Variants in ZFP64 observed in about 807,000 individuals in gnomAD.
ZFP64 encodes the protein zinc finger protein 64.
ZFP64 carries 14 observed loss-of-function variants against 51.6 expected under a neutral mutation model. The ratio of observed to expected loss-of-function variants is 0.27; its 90% confidence interval spans 0.18 to 0.42. The LOEUF is 0.42. ZFP64 is among the 10% of genes least tolerant of loss of function. The pLI, the probability that ZFP64 is intolerant of heterozygous loss-of-function variation, is 1.00. For synonymous variants in ZFP64, 375 were observed against 361.4 expected, an observed-to-expected ratio of 1.04 and a Z score of -0.43; for missense variants, 754 against 906.8, an observed-to-expected ratio of 0.83 and a Z score of 2.16.
chr20:52,154,995 C>T (rs1981187410), intron 5 of ZFP64, among the ~76,000 whole-genome samples: 1 of 151,960 alleles, frequency 6.6e-6, no homozygotes, highest in Non-Finnish European at 1.5e-5. Flanking sequence ...TTAGTGAAGT[C>T]CATGGAACCC....
In ZFP64 at chr20:52,163,505, A is replaced by G. The variant is rs112346269; in HGVS notation, c.511+1190T>C. On this transcript the variant is annotated intron_variant, in intron 4 of 5. Coordinates refer to ENST00000216923, the MANE Select transcript of ZFP64 (RefSeq NM_018197.3). ...GCTTATTACACTAGAACGCTTACCA[A>G]TCAATACTTGAAACTTAATATTTGG... Among the ~76,000 whole-genome samples the G allele has an allele frequency of 1.9e-3, 296 of 152,350 alleles. 1 individual carries two copies. The highest frequency in any genetic ancestry group is 6.8e-3 in the African/African-American group (281 of 41,586).
At chr20:52,149,320 C>T (rs952206109), downstream of ZFP64, among the ~76,000 whole-genome samples, 6 of 149,640 alleles carry the variant, frequency 4.0e-5, no homozygotes, top group Admixed American at 2.0e-4. Context: ...CTGGGGCAGT[C>T]GTAATGGCAA....
chr20:52,176,817 C>T (rs1274975201), intron 2 of ZFP64, among the ~76,000 whole-genome samples: 1 of 152,178 alleles, frequency 6.6e-6, no homozygotes, highest in African/African-American at 2.4e-5. Context: ...CCGGTTCAAT[C>T]TCTTTTTGAG....
chr20:52,160,354 C>T lies in ZFP64; in HGVS notation c.532G>A (p.Glu178Lys). 1 of 1,614,020 alleles carries T rather than the reference C, an allele frequency of 6.2e-7. No individual in the cohort carries two copies. Among genetic ancestry groups the T allele is most frequent in the East Asian group, 2.2e-5 (1 of 44,868 alleles). ...CGGCTAAAGCACTTGCCACAGACTT[C>T]ACACTTATGGGGTTTGTCTCCTTCA... The part of the protein sequence containing the change: ...IHTGDKPHKC[E>K]VCGKCFSRKD... The change falls in exon 5 of 6, where the codon GAA becomes AAA. Residue 178 changes from glutamate (E) to lysine (K), a missense_variant. Physicochemically the swap from Glu to Lys is moderately conservative, Grantham distance 56 (BLOSUM62 1). This residue lies in a region of ZFP64 where 231 missense variants were observed against 336.7 expected (regional missense o/e 0.69). Transcript: ENST00000216923. The surrounding 1 kb of genome is among the most constrained non-coding windows in gnomAD (Gnocchi z 4.2).
chr20:52,106,053 AATGT>A (rs1403288440), intron 5 of ZFP64, among the ~76,000 whole-genome samples: 2 of 152,144 alleles, frequency 1.3e-5, no homozygotes, highest in Non-Finnish European at 2.9e-5. Context: ...CGAGGCCAGA[AATGT>A]GTGTTTTTAT....
At chr20:52,117,117 G>A (rs1164496663) in intron 5 of ZFP64, among the ~76,000 whole-genome samples, 2 of 152,116 alleles carry the variant, frequency 1.3e-5, no homozygotes, top group African/African-American at 2.4e-5. Flanking sequence ...TGTTGTAGCT[G>A]TTAGCATTCT....
At chr20:52,123,209 T>C (rs537152224) in intron 5 of ZFP64, among the ~76,000 whole-genome samples, 111 of 152,268 alleles carry the variant, frequency 7.3e-4, no homozygotes, top group African/African-American at 2.6e-3. Flanking sequence ...CAGGCGAACA[T>C]GTTCGCCATG....
At chr20:52,095,317 G>A (rs1424276242) in intron 7 of ZFP64, among the ~76,000 whole-genome samples, 1 of 152,192 alleles carries the variant, frequency 6.6e-6, no homozygotes, top group Non-Finnish European at 1.5e-5. Flanking sequence ...GTGGCAGGAG[G>A]CCATTGTGGA....
At chr20:52,171,534 G>C (rs1320839631) in intron 2 of ZFP64, among the ~76,000 whole-genome samples, 1 of 152,084 alleles carries the variant, frequency 6.6e-6, no homozygotes, top group African/African-American at 2.4e-5. Flanking sequence ...CTGTTGCCCA[G>C]GCTGGAGTGC....
chr20:52,135,230 T>G (rs1752397430), intron 5 of ZFP64, among the ~76,000 whole-genome samples: 1 of 152,194 alleles, frequency 6.6e-6, no homozygotes, highest in Non-Finnish European at 1.5e-5. Flanking sequence ...GGTGAAAATT[T>G]TATGAAACTG....
chr20:52,110,346 A>T, intron 5 of ZFP64: 1 of 512,352 alleles, frequency 2.0e-6, no homozygotes, highest in Non-Finnish European at 3.5e-6. Flanking sequence ...GAGCCTTTTT[A>T]CAACTCCTCG....
chr20:52,147,116 TAA>T (rs975082702), downstream of ZFP64, among the ~76,000 whole-genome samples: 3 of 152,240 alleles, frequency 2.0e-5, no homozygotes, highest in Non-Finnish European at 2.9e-5. Flanking sequence ...ATGAAAATAT[TAA>T]GTCTTCCACT....
chr20:52,105,430 C>G, intron 5 of ZFP64: 4 of 1,188,078 alleles, frequency 3.4e-6, no homozygotes, highest in Non-Finnish European at 3.2e-6. Context: ...AGGAGTCCCG[C>G]GGACTTGCGG....
At chr20:52,110,882 C>A in intron 5 of ZFP64, 1 of 1,610,184 alleles carries the variant, frequency 6.2e-7, no homozygotes, top group South Asian at 1.1e-5. Context: ...AAGAGATCAT[C>A]GCTGGAAGCC....
intron 2 of ZFP64, among the ~76,000 whole-genome samples, chr20:52,184,554 C>T (rs4811306): frequency 0.21 from 32,220 of 152,160 alleles, 3,836 homozygotes; most frequent in African/African-American, 0.33. Flanking sequence ...ACACACAGAT[C>T]CAACTTTCCT....
Position 52,151,556 on chromosome 20 carries a change from A to T in ZFP64, c.*590T>A, listed in dbSNP as rs189463561. The T allele has an allele frequency of 9.1e-6, 9 of 985,660 alleles. No homozygotes were observed. The Admixed American group carries it at 4.9e-4, about 54-fold the overall frequency. The allele number at this position is 985,660 out of a possible 1,614,324, so 61.1% of individuals were successfully genotyped here. On this transcript the variant is annotated 3_prime_UTR_variant, in exon 6 of 6. Coordinates refer to ENST00000216923, the MANE Select transcript of ZFP64 (RefSeq NM_018197.3). ...GGAAAATCAAGTTGGAAACAAACAC[A>T]TGAATTCACTACTTAATGCATTTAA...
chr20:52,161,933 T>C (rs1981842492), intron 4 of ZFP64, among the ~76,000 whole-genome samples: 2 of 152,310 alleles, frequency 1.3e-5, no homozygotes, highest in East Asian at 1.9e-4. Flanking sequence ...AGTGCTAAAA[T>C]AGCCAAAGCT....
chr20:52,173,571 G>C (rs1982923756), intron 2 of ZFP64, among the ~76,000 whole-genome samples: 1 of 152,128 alleles, frequency 6.6e-6, no homozygotes, highest in African/African-American at 2.4e-5. Flanking sequence ...CTGGGTGACA[G>C]AGCAAGACCG....
At chr20:52,115,197 C>CAAAAAAAAAA (rs11484315) in intron 5 of ZFP64, among the ~76,000 whole-genome samples, 2 of 90,034 alleles carry the variant, frequency 2.2e-5, no homozygotes, top group Non-Finnish European at 2.0e-5. Context: ...GAGTGAGTCT[C>CAAAAAAAAAA]AAAAAAAAAA....
Sources: allele counts gnomAD v4.1 joint callset (sites outside exome capture counted in the v4.1 genomes callset), GRCh38; gene constraint gnomAD v4.1.1; regional missense constraint gnomAD v4.1.1; non-coding constraint Gnocchi (gnomAD v3.1); transcripts MANE v1.5; gene names NCBI Gene and HGNC (gene_info 2026-07-23, HGNC 2026-07-21).